Variants in ZRANB3 observed in about 807,000 individuals in gnomAD.
ZRANB3 encodes the protein zinc finger RANBP2-type containing 3, also known as DNA annealing helicase and endonuclease ZRANB3.
A neutral mutation model predicts 133.8 loss-of-function variants in ZRANB3; 125 were observed. That is an observed-to-expected ratio of 0.93 (90% CI 0.81 to 1.08). The LOEUF (loss-of-function observed/expected upper bound fraction) is 1.08. Ranked by LOEUF, ZRANB3 falls within the 50% of genes least tolerant of loss-of-function variation. The pLI is 0.00. For missense variants in ZRANB3, 1,229 were observed against 1,275.5 expected (o/e 0.96, Z 0.56); for synonymous variants, 387 against 432.7 (o/e 0.89, Z 1.31).
At chr2:135,381,520 G>A (rs1686698342) in intron 3 of ZRANB3, among the ~76,000 whole-genome samples, 1 of 152,190 alleles carries the variant, frequency 6.6e-6, no homozygotes, top group Non-Finnish European at 1.5e-5. Flanking sequence ...GCACACAGCT[G>A]GAGATCTGAG....
intron 12 of ZRANB3, among the ~76,000 whole-genome samples, chr2:135,255,829 TGA>T (rs926930650): frequency 6.6e-6 from 1 of 151,608 alleles, no homozygotes; most frequent in Admixed American, 6.6e-5. Context: ...GGCAATAGAG[TGA>T]GAGTCTGTCT....
chr2:135,329,370 G>GATAACC (rs1191794154), intron 6 of ZRANB3, among the ~76,000 whole-genome samples: 36 of 152,162 alleles, frequency 2.4e-4, no homozygotes, highest in African/African-American at 8.4e-4. Flanking sequence ...GATGGTTGTA[G>GATAACC]ATGTGTGGTG....
rs1166170814 is a variant in ZRANB3, at chr2:135,455,171, C to CTTTTTTTTTTTTT, written c.161+49145_161+49157dup. On this transcript the variant is annotated intron_variant, in intron 2 of 20. Coordinates refer to ENST00000264159, the MANE Select transcript of ZRANB3 (RefSeq NM_032143.4). ...AATGGGATCACAATGCCTTCTTATA[C>CTTTTTTTTTTTTT]TTTTTTTTTTTTTTTTTTTTTTTTT... Among the ~76,000 whole-genome samples, 46 of 37,594 alleles carry CTTTTTTTTTTTTT rather than the reference C, an allele frequency of 1.2e-3. 16 individuals carry two copies. The highest frequency in any genetic ancestry group is 2.2e-3 in the East Asian group (2 of 896). 24.7% of individuals were successfully genotyped at this position (37,594 alleles called of 152,430 possible).
At chr2:135,270,281 G>A (rs1357376230) in intron 10 of ZRANB3, among the ~76,000 whole-genome samples, 2 of 152,114 alleles carry the variant, frequency 1.3e-5, no homozygotes. Flanking sequence ...GATTATACAA[G>A]CATAAAGGGA....
At chr2:135,500,755 G>GT (rs1692901509) in intron 2 of ZRANB3, among the ~76,000 whole-genome samples, 1 of 96,496 alleles carries the variant, frequency 1.0e-5, no homozygotes, top group East Asian at 3.2e-4. Context: ...TTACATATCA[G>GT]TAAAAAAAAA....
intron 2 of ZRANB3, among the ~76,000 whole-genome samples, chr2:135,399,622 T>A (rs941895629): frequency 3.3e-5 from 5 of 152,176 alleles, no homozygotes; most frequent in African/African-American, 1.2e-4. Context: ...CACAACATGA[T>A]GACAAAAATG....
At chr2:135,345,818 AC>A (rs958582869) in intron 5 of ZRANB3, among the ~76,000 whole-genome samples, 183 bp from the exon 6 acceptor site, 2 of 151,606 alleles carry the variant, frequency 1.3e-5, no homozygotes, top group Non-Finnish European at 2.9e-5. Flanking sequence ...ATACATTTAT[AC>A]ATCTTTCTAT....
intron 17 of ZRANB3, among the ~76,000 whole-genome samples, chr2:135,213,552 C>CCT (rs1252325394): frequency 2.6e-5 from 4 of 151,628 alleles, no homozygotes; most frequent in Non-Finnish European, 5.9e-5. Context: ...TCCCTGGAGG[C>CCT]CTCTCTCTCT....
At chr2:135,255,096 G>A (rs1283622426) in intron 12 of ZRANB3, among the ~76,000 whole-genome samples, 1 of 152,042 alleles carries the variant, frequency 6.6e-6, no homozygotes, top group Non-Finnish European at 1.5e-5. Flanking sequence ...ATACTCATTA[G>A]GCAATGTTAA....
chr2:135,319,018 A>G (rs555232068), intron 6 of ZRANB3, among the ~76,000 whole-genome samples: 1 of 152,352 alleles, frequency 6.6e-6, no homozygotes, highest in Non-Finnish European at 1.5e-5. Flanking sequence ...ATGCATTGGC[A>G]GTATGCTAAA....
chr2:135,308,981 AT>A (rs68010822), intron 8 of ZRANB3, among the ~76,000 whole-genome samples: 333 of 135,584 alleles, frequency 2.5e-3, no homozygotes, highest in East Asian at 2.7e-3. Context: ...TAATAACATC[AT>A]TTTTTTTTTT....
At chr2:135,262,556 AGGATTGCTTGAGGCC>A (rs1245429127) in intron 12 of ZRANB3, among the ~76,000 whole-genome samples, 2 of 152,182 alleles carry the variant, frequency 1.3e-5, no homozygotes, top group East Asian at 3.9e-4. Context: ...CAGAGGTGGG[AGGATTGCTTGAGGCC>A]AGAAGTTTGA....
chr2:135,477,139 T>C (rs1355819247), intron 2 of ZRANB3, among the ~76,000 whole-genome samples: 1 of 152,228 alleles, frequency 6.6e-6, no homozygotes, highest in Non-Finnish European at 1.5e-5. Flanking sequence ...TTACTTGCTG[T>C]TGAAGTATAG....
chr2:135,456,254 T>G (rs1463626285), intron 2 of ZRANB3, among the ~76,000 whole-genome samples: 1 of 152,186 alleles, frequency 6.6e-6, no homozygotes, highest in Non-Finnish European at 1.5e-5. Context: ...TTCTCCTCCA[T>G]GTGGTAACAG....
At chr2:135,355,419 T>C (rs1453103570) in intron 3 of ZRANB3, 2 of 294,204 alleles carry the variant, frequency 6.8e-6, no homozygotes, top group Non-Finnish European at 5.0e-6. Context: ...TGGAGTGCAA[T>C]AGCACGATCT....
At chr2:135,420,545 G>A (rs985439515) in intron 2 of ZRANB3, among the ~76,000 whole-genome samples, 9 of 152,080 alleles carry the variant, frequency 5.9e-5, no homozygotes, top group Non-Finnish European at 1.3e-4. Context: ...ACTAAGGACA[G>A]ACTACATATG....
chr2:135,341,027 G>T (rs200980192), intron 6 of ZRANB3, among the ~76,000 whole-genome samples: 3 of 115,744 alleles, frequency 2.6e-5, no homozygotes, highest in African/African-American at 7.2e-5. Context: ...ACTATTTATT[G>T]ATTGATTGAT....
chr2:135,444,766 A>T (rs1469591334), intron 2 of ZRANB3, among the ~76,000 whole-genome samples: 1 of 152,232 alleles, frequency 6.6e-6, no homozygotes, highest in Non-Finnish European at 1.5e-5. Context: ...TATAGTTTAT[A>T]ACACAAATTA....
chr2:135,386,831 G>A (rs1687002667), intron 3 of ZRANB3, among the ~76,000 whole-genome samples: 1 of 152,068 alleles, frequency 6.6e-6, no homozygotes, highest in South Asian at 2.1e-4. Context: ...ATCACACACG[G>A]GGGCCTTTCG....
Sources: allele counts gnomAD v4.1 joint callset (sites outside exome capture counted in the v4.1 genomes callset), GRCh38; gene constraint gnomAD v4.1.1; transcripts MANE v1.5; gene names NCBI Gene and HGNC (gene_info 2026-07-23, HGNC 2026-07-21).